The following SMC1B variants were observed in gnomAD, a reference collection of about 807,000 sequenced individuals.
The protein encoded by SMC1B is structural maintenance of chromosomes 1B.
Under a neutral mutation model 157.9 loss-of-function variants are expected in SMC1B, and 60 were observed. The observed-to-expected ratio is 0.38, with a 90% CI of 0.31 to 0.47. The LOEUF (loss-of-function observed/expected upper bound fraction) is 0.47, where lower values mean the gene tolerates loss of function less well. Among genes scored for constraint, SMC1B ranks in the 20% least tolerant of loss-of-function variants. The pLI is 0.99. For synonymous variants in SMC1B, 445 were observed against 483.0 expected (o/e 0.92, Z 1.03); for missense variants, 1,165 against 1,426.2 (o/e 0.82, Z 2.95).
intron 12 of SMC1B, among the ~76,000 whole-genome samples, chr22:45,382,736 T>C (rs533618494): frequency 9.1e-4 from 138 of 152,224 alleles, no homozygotes; most frequent in Middle Eastern, 3.4e-3. Flanking sequence ...TAAGAAACAA[T>C]GTACTAGAAA....
At chr22:45,345,381 A>C in intron 24 of SMC1B, 78 bp downstream of exon 24, 1 of 772,218 alleles carries the variant, frequency 1.3e-6, no homozygotes, top group Non-Finnish European at 2.1e-6. Flanking sequence ...AGTTTTAATT[A>C]GGAAAGCCCA....
chr22:45,383,970 G>A (rs955598570), intron 11 of SMC1B, among the ~76,000 whole-genome samples: 10 of 152,134 alleles, frequency 6.6e-5, no homozygotes, highest in Non-Finnish European at 1.3e-4. Flanking sequence ...TTCCTCAAAT[G>A]TACAAGTGAG....
intron 21 of SMC1B, among the ~76,000 whole-genome samples, chr22:45,353,311 G>A (rs1407347816): frequency 1.3e-5 from 2 of 151,328 alleles, no homozygotes; most frequent in East Asian, 1.9e-4. Context: ...AGGGTTAATG[G>A]GTTTTAGTCT....
intron 12 of SMC1B, among the ~76,000 whole-genome samples, chr22:45,375,374 C>G (rs1351162935): frequency 1.3e-5 from 2 of 152,208 alleles, no homozygotes; most frequent in African/African-American, 2.4e-5. Context: ...GCTCTGACCA[C>G]CTTGGGCACA....
In SMC1B at chr22:45,387,135, G is replaced by A. The variant is rs118075762; in HGVS notation, c.1732-89C>T. The A allele has an allele frequency of 7.7e-3, 8,653 of 1,129,618 alleles. 44 individuals are homozygous for A. The highest frequency in any genetic ancestry group is 9.4e-3 in the Non-Finnish European group (7,390 of 787,810). 70.0% of individuals were successfully genotyped at this position (1,129,618 alleles called of 1,614,324 possible). A position where few individuals can be genotyped will look rare whatever the true frequency, so the allele number is the denominator to read the frequency against. On this transcript the variant is annotated intron_variant, in intron 10 of 24. Coordinates refer to ENST00000357450, the MANE Select transcript of SMC1B (RefSeq NM_148674.5). ...ATTCTTTCTCACAAAACATATATAC[G>A]CATGGCAGCAAAAGATCAACAGTAT...
intron 4 of SMC1B, among the ~76,000 whole-genome samples, chr22:45,404,114 G>T (rs1478031882): frequency 6.6e-6 from 1 of 152,110 alleles, no homozygotes; most frequent in Non-Finnish European, 1.5e-5. Flanking sequence ...GCTAATTTTT[G>T]TATTTTTAGT....
At chr22:45,396,195 A>G (rs1349427582) in intron 7 of SMC1B, 151 bp downstream of exon 7, 1 of 649,464 alleles carries the variant, frequency 1.5e-6, no homozygotes, top group African/African-American at 1.9e-5. Context: ...TATGGCTATT[A>G]TATTTGTATC....
At chr22:45,354,578 A>G (rs1025843107) in intron 20 of SMC1B, among the ~76,000 whole-genome samples, 7 of 152,106 alleles carry the variant, frequency 4.6e-5, no homozygotes, top group African/African-American at 1.4e-4. Flanking sequence ...TTTAGTAGAC[A>G]TGGGGTTTTA....
intron 15 of SMC1B, among the ~76,000 whole-genome samples, chr22:45,363,934 C>T (rs1034019126): frequency 1.3e-5 from 2 of 151,822 alleles, no homozygotes; most frequent in African/African-American, 2.4e-5. Flanking sequence ...CTGCAACCTC[C>T]GCCCCCTGGG....
intron 17 of SMC1B, among the ~76,000 whole-genome samples, chr22:45,361,328 C>T (rs1395004076): frequency 6.6e-6 from 1 of 152,146 alleles, no homozygotes; most frequent in African/African-American, 2.4e-5. Flanking sequence ...ACTATTTGCT[C>T]TAGGCCAGGA....
At chr22:45,356,399 A>T (rs766222128) in intron 19 of SMC1B, among the ~76,000 whole-genome samples, 10 of 152,240 alleles carry the variant, frequency 6.6e-5, no homozygotes, top group Non-Finnish European at 1.3e-4. Flanking sequence ...TTAGAACAGC[A>T]TGTAAACCAA....
chr22:45,373,961 A>AT (rs1249726103), intron 12 of SMC1B, among the ~76,000 whole-genome samples: 2 of 152,202 alleles, frequency 1.3e-5, no homozygotes, highest in Non-Finnish European at 2.9e-5. Context: ...TCTAAAAAAA[A>AT]GGGTGTCCAT....
chr22:45,370,573 T>C (rs1157341567), intron 14 of SMC1B, among the ~76,000 whole-genome samples: 3 of 152,222 alleles, frequency 2.0e-5, no homozygotes, highest in Non-Finnish European at 2.9e-5. Context: ...GAAAGAACTA[T>C]TTTAAGAACA....
chr22:45,344,336 C>T lies in SMC1B; in HGVS notation c.*220G>A. On this transcript the variant is annotated 3_prime_UTR_variant, in exon 25 of 25. Transcript: ENST00000357450. ...GTACCTTTTGTTTGTTTTTTAAAAA[C>T]TCATTTGACACCAGCTCTCACTGAA... The T allele has an allele frequency of 2.9e-6, 1 of 340,138 alleles. No individual in the cohort carries two copies. Among genetic ancestry groups the T allele is most frequent in the Non-Finnish European group, 5.3e-6 (1 of 188,692 alleles). 21.1% of individuals were successfully genotyped at this position (340,138 alleles called of 1,614,324 possible).
At chr22:45,403,946 TG>T (rs2087227266) in intron 4 of SMC1B, among the ~76,000 whole-genome samples, 1 of 152,060 alleles carries the variant, frequency 6.6e-6, no homozygotes, top group South Asian at 2.1e-4. Flanking sequence ...TTTGTTTGTT[TG>T]TTTGTTTGTT....
intron 2 of SMC1B, among the ~76,000 whole-genome samples, chr22:45,408,477 T>G (rs1255817142): frequency 6.6e-6 from 1 of 152,126 alleles, no homozygotes; most frequent in East Asian, 1.9e-4. Context: ...TATTTGACAG[T>G]AGGGGGATTT....
chr22:45,399,655 A>G (rs1459727475), intron 5 of SMC1B, among the ~76,000 whole-genome samples: 2 of 152,104 alleles, frequency 1.3e-5, no homozygotes, highest in East Asian at 1.9e-4. Flanking sequence ...AAAAAGAATC[A>G]CTCAGGAGGC....
intron 1 of SMC1B, 103 bp downstream of exon 1, chr22:45,413,356 G>C: frequency 1.1e-6 from 1 of 904,250 alleles, no homozygotes; most frequent in Non-Finnish European, 1.7e-6. Context: ...GGGGAAGGCC[G>C]GCCAGGCGCC....
chr22:45,353,901 A>AAAAAAAAAAAAAAC (rs2086640232), intron 21 of SMC1B, 77 bp downstream of exon 21: 2 of 582,700 alleles, frequency 3.4e-6, no homozygotes. Context: ...ACCAAAAAAA[A>AAAAAAAAAAAAAAC]AAAAAAAAAA....
Sources: gnomAD v4.1 joint callset for allele counts (sites outside exome capture counted in the v4.1 genomes callset) on GRCh38, gnomAD v4.1.1 for gene constraint, MANE v1.5 for transcripts, NCBI Gene and HGNC (gene_info 2026-07-23, HGNC 2026-07-21) for gene names.